The following ITPK1 variants were observed in gnomAD, a reference collection of about 807,000 sequenced individuals.
ITPK1 encodes the protein inositol 1,3,4-trisphosphate 5/6-kinase.
ITPK1 carries 21 observed loss-of-function variants against 45.3 expected under a neutral mutation model. The observed-to-expected ratio is 0.46, with a 90% CI of 0.33 to 0.67. ITPK1 has a LOEUF of 0.67. Ranked by LOEUF, ITPK1 falls within the 30% of genes least tolerant of loss-of-function variation. The pLI, the probability that ITPK1 is intolerant of heterozygous loss-of-function variation, is 0.02. For missense variants in ITPK1, 474 were observed against 573.5 expected (o/e 0.83, Z 1.77); for synonymous variants, 258 against 253.6 (o/e 1.02, Z -0.16).
chr14:93,067,097 C>A (rs1471419706), intron 3 of ITPK1, among the ~76,000 whole-genome samples: 1 of 152,250 alleles, frequency 6.6e-6, no homozygotes, highest in Admixed American at 6.5e-5. Context: ...ACTTTAAGAG[C>A]AGAATCTTGC....
At chr14:93,053,758 T>TC (rs1268708156) in intron 3 of ITPK1, among the ~76,000 whole-genome samples, 14 of 152,140 alleles carry the variant, frequency 9.2e-5, no homozygotes, top group African/African-American at 3.4e-4. Flanking sequence ...ATACGGGAAG[T>TC]CTCTGCACCT....
intron 5 of ITPK1, among the ~76,000 whole-genome samples, chr14:92,990,832 T>A (rs1038466400): frequency 5.3e-5 from 8 of 152,126 alleles, no homozygotes; most frequent in African/African-American, 1.7e-4. Context: ...GAGCCTCCCC[T>A]TGTGCCATGT....
chr14:92,980,492 T>C (rs1444974413), intron 5 of ITPK1, among the ~76,000 whole-genome samples: 1 of 152,114 alleles, frequency 6.6e-6, no homozygotes, highest in East Asian at 1.9e-4. Flanking sequence ...CTATTCCTGG[T>C]GATAACTTGG....
intron 5 of ITPK1, among the ~76,000 whole-genome samples, chr14:92,988,524 G>C (rs985039485): frequency 1.3e-5 from 2 of 152,200 alleles, no homozygotes; most frequent in Non-Finnish European, 2.9e-5. Flanking sequence ...CCCCAGGGAT[G>C]ATGGCCATGC....
At chr14:92,989,825 G>A (rs1347467465) in intron 5 of ITPK1, among the ~76,000 whole-genome samples, 1 of 152,126 alleles carries the variant, frequency 6.6e-6, no homozygotes, top group Admixed American at 6.5e-5. Flanking sequence ...GTATAGGCAT[G>A]GCTGCCTCCC....
At chr14:93,017,943 C>T (rs1283232397) in intron 3 of ITPK1, among the ~76,000 whole-genome samples, 1 of 152,222 alleles carries the variant, frequency 6.6e-6, no homozygotes, top group East Asian at 1.9e-4. Context: ...CTTTTAAAAC[C>T]TGCCTAGGGT....
At chr14:93,011,760 G>A (rs754942169) in intron 4 of ITPK1, among the ~76,000 whole-genome samples, 1 of 152,126 alleles carries the variant, frequency 6.6e-6, no homozygotes, top group Non-Finnish European at 1.5e-5. Context: ...ACGCACCTGG[G>A]CTCCAAAGAG....
At chr14:93,002,147 A>G (rs1207250065) in intron 4 of ITPK1, among the ~76,000 whole-genome samples, 1 of 152,078 alleles carries the variant, frequency 6.6e-6, no homozygotes, top group Non-Finnish European at 1.5e-5. Flanking sequence ...TGAGTCTGAG[A>G]GTTCAAGACC....
chr14:93,010,095 C>T (rs1887818289), intron 4 of ITPK1, among the ~76,000 whole-genome samples: 1 of 152,190 alleles, frequency 6.6e-6, no homozygotes, highest in African/African-American at 2.4e-5. Context: ...GGGAGCCCTC[C>T]CATGGCTCCC....
intron 3 of ITPK1, among the ~76,000 whole-genome samples, chr14:93,021,092 G>A (rs948122042): frequency 6.6e-6 from 1 of 151,970 alleles, no homozygotes; most frequent in Non-Finnish European, 1.5e-5. Context: ...GGAAACTTCC[G>A]AAAAGTTTTG....
chr14:93,065,264 A>T (rs1445979361), intron 3 of ITPK1, among the ~76,000 whole-genome samples: 1 of 152,180 alleles, frequency 6.6e-6, no homozygotes, highest in Non-Finnish European at 1.5e-5. Flanking sequence ...TACTCATGAA[A>T]ATAAATCAAA....
At chr14:93,079,480 C>A (rs572844554) in intron 2 of ITPK1, among the ~76,000 whole-genome samples, 1 of 152,212 alleles carries the variant, frequency 6.6e-6, no homozygotes, top group Non-Finnish European at 1.5e-5. Context: ...TCTCCCCACA[C>A]CCACGTGTTC....
chr14:93,113,497 C>T (rs986302987), intron 2 of ITPK1, among the ~76,000 whole-genome samples: 4 of 152,208 alleles, frequency 2.6e-5, no homozygotes, highest in African/African-American at 9.7e-5. Flanking sequence ...TTTCCCAAGT[C>T]TTACATGACT....
At chr14:93,030,246 G>A (rs978772822) in intron 3 of ITPK1, among the ~76,000 whole-genome samples, 1 of 152,220 alleles carries the variant, frequency 6.6e-6, no homozygotes, top group Non-Finnish European at 1.5e-5. Context: ...AAAACATCAA[G>A]AATGCAGTCA....
chr14:92,944,148 G>C (rs1355023900), intron 10 of ITPK1, among the ~76,000 whole-genome samples: 3 of 152,160 alleles, frequency 2.0e-5, no homozygotes, highest in African/African-American at 7.2e-5. Context: ...CCCCTCTCTG[G>C]AGGGGCCCTC....
At chr14:93,037,033 G>A (rs1000446033) in intron 3 of ITPK1, 17 of 152,234 alleles carry the variant, frequency 1.1e-4, no homozygotes, top group African/African-American at 4.1e-4. Context: ...TCTGTCCTCA[G>A]AAGAGCCTGC....
chr14:93,055,908 C>T (rs1349695083), intron 3 of ITPK1, among the ~76,000 whole-genome samples: 1 of 152,200 alleles, frequency 6.6e-6, no homozygotes, highest in African/African-American at 2.4e-5. Flanking sequence ...GGTCTGAGCA[C>T]CCAGCAGACG....
intron 3 of ITPK1, among the ~76,000 whole-genome samples, chr14:93,059,446 A>G (rs1192442370): frequency 1.3e-4 from 2 of 15,606 alleles, no homozygotes; most frequent in Non-Finnish European, 1.2e-4. Flanking sequence ...CGAGGCAGGG[A>G]CGGAGGGAGT....
At chr14:93,111,533 A>C (rs1324962319) in intron 2 of ITPK1, among the ~76,000 whole-genome samples, 1 of 152,026 alleles carries the variant, frequency 6.6e-6, no homozygotes, top group Non-Finnish European at 1.5e-5. Context: ...CAACATGGTA[A>C]AACTCCATCT....
Sources: allele counts gnomAD v4.1 joint callset (sites outside exome capture counted in the v4.1 genomes callset), GRCh38; gene constraint gnomAD v4.1.1; transcripts MANE v1.5; gene names NCBI Gene and HGNC (gene_info 2026-07-23, HGNC 2026-07-21).